LOXL2: variants seen among roughly 807,000 people sequenced by gnomAD.
The protein encoded by LOXL2 is lysyl oxidase like 2.
In LOXL2, 70 loss-of-function variants were observed where a neutral mutation model predicts 93.0. The ratio of observed to expected loss-of-function variants is 0.75; its 90% CI spans 0.62 to 0.92. The LOEUF is 0.92. Among genes scored for constraint, LOXL2 ranks in the 40% least tolerant of loss-of-function variants. The probability of loss-of-function intolerance (pLI) is 0.00; values close to 1 mark genes in which losing one functional copy is unlikely to be tolerated. For missense variants in LOXL2, 973 were observed against 1,054.9 expected (o/e 0.92, Z 1.08); for synonymous variants, 438 against 413.2 (o/e 1.06, Z -0.73).
chr8:23,341,148 C>A lies in LOXL2; in HGVS notation c.587G>T (p.Arg196Leu). The A allele has an allele frequency of 1.2e-6, 2 of 1,613,844 alleles. No homozygotes were observed. Among genetic ancestry groups the A allele is most frequent in the East Asian group, 2.2e-5 (1 of 44,874 alleles). The stretch of plus-strand genomic sequence containing the variant: ...GCCCTCCATCACTGGGGTGCGCTTG[C>A]GGTAGGTTGAGAGGATGGCTCGAAT... Reference protein sequence around the residue: ...IRIRAILSTYRKRTPVMEGYV... With the variant: ...IRIRAILSTYLKRTPVMEGYV... Residue 196 changes from arginine (R) to leucine (L), a missense_variant, in exon 4 of 14, where the codon CGC (arginine) becomes CTC (leucine). Transcript: ENST00000389131.
At chr8:23,313,042 C>T (rs11994095) in intron 9 of LOXL2, among the ~76,000 whole-genome samples, 7,965 of 150,944 alleles carry the variant, frequency 0.053, 479 homozygotes, top group African/African-American at 0.14. Flanking sequence ...AGTGAACTCC[C>T]ATTCACAATT....
chr8:23,400,529 C>A (rs1481012004), intron 1 of LOXL2, among the ~76,000 whole-genome samples: 1 of 152,188 alleles, frequency 6.6e-6, no homozygotes, highest in Non-Finnish European at 1.5e-5. Flanking sequence ...GGTGGGGACA[C>A]AGCCAAGCCA....
At chr8:23,328,313 C>T in intron 6 of LOXL2, 69 bp downstream of exon 6, 2 of 1,539,396 alleles carry the variant, frequency 1.3e-6, no homozygotes. Context: ...TCACGGCCAG[C>T]AGCCAGGCTG....
chr8:23,367,685 C>G (rs1349307380), intron 2 of LOXL2, among the ~76,000 whole-genome samples: 2 of 149,490 alleles, frequency 1.3e-5, no homozygotes, highest in East Asian at 3.9e-4. Context: ...CACCCCCTAC[C>G]TGGGGTCACC....
In LOXL2 at chr8:23,354,949, ATTTTTTTTTTTTT is replaced by A. The variant is rs60819350; in HGVS notation, c.531+5128_531+5140del. The stretch of plus-strand genomic sequence containing the variant: ...GGAGTTGGAATATATATATATATAT[ATTTTTTTTTTTTT>A]TTTTTTTTTTTTTTTGAGACAGTTT... On this transcript the variant is annotated intron_variant, in intron 3 of 13. Transcript: ENST00000389131. 6.1e-3 allele frequency among the ~76,000 whole-genome samples: 470 copies of A among 77,684 alleles called. 4 individuals carry two copies. The highest frequency in any genetic ancestry group is 0.052 in the South Asian group (103 of 1,976). 51.0% of individuals were successfully genotyped at this position (77,684 alleles called of 152,430 possible).
chr8:23,298,676 A>T (rs1489672800), intron 13 of LOXL2, among the ~76,000 whole-genome samples, 160 bp downstream of exon 13: 1 of 152,208 alleles, frequency 6.6e-6, no homozygotes. Context: ...CTCAGTCTCC[A>T]TCCAGGCCTG....
chr8:23,309,938 A>G, intron 9 of LOXL2, 27 bp from the exon 10 acceptor site: 3 of 1,438,974 alleles, frequency 2.1e-6, no homozygotes, highest in Non-Finnish European at 2.8e-6. Flanking sequence ...GCTGGTCAAC[A>G]AGGCAAGAGA....
At chr8:23,358,533 A>G (rs4272386) in intron 3 of LOXL2, among the ~76,000 whole-genome samples, 8,160 of 152,324 alleles carry the variant, frequency 0.054, 223 homozygotes, top group Admixed American at 0.087. Context: ...TTTGGGGCAG[A>G]TCCCATAATC....
At chr8:23,316,648 G>A (rs1423783916) in intron 9 of LOXL2, 3 of 363,988 alleles carry the variant, frequency 8.2e-6, no homozygotes, top group East Asian at 9.3e-5. Flanking sequence ...CTGGCATGAC[G>A]GAGGCACTCT....
chr8:23,306,958 G>A (rs1409271841), intron 10 of LOXL2, among the ~76,000 whole-genome samples: 1 of 152,208 alleles, frequency 6.6e-6, no homozygotes, highest in Non-Finnish European at 1.5e-5. Context: ...GGTTTTCGAG[G>A]AAATTTCCAA....
chr8:23,366,797 T>C (rs544884701), intron 2 of LOXL2, among the ~76,000 whole-genome samples: 13 of 152,270 alleles, frequency 8.5e-5, no homozygotes, highest in African/African-American at 3.1e-4. Context: ...GATAGGAAAC[T>C]CTTAGCTCCT....
intron 10 of LOXL2, among the ~76,000 whole-genome samples, chr8:23,309,205 G>C (rs1037012677): frequency 2.2e-4 from 34 of 152,010 alleles, no homozygotes; most frequent in African/African-American, 8.0e-4. Flanking sequence ...GAATGGGCTT[G>C]ATCTCCTGAC....
At chr8:23,361,860 AAAAC>A (rs1404531546) in intron 2 of LOXL2, among the ~76,000 whole-genome samples, 1 of 100,810 alleles carries the variant, frequency 9.9e-6, no homozygotes, top group African/African-American at 4.2e-5. Context: ...AAAACAAAAC[AAAAC>A]AAACAAAAAA....
intron 10 of LOXL2, among the ~76,000 whole-genome samples, chr8:23,306,264 C>T (rs1238127419): frequency 1.3e-5 from 2 of 152,204 alleles, no homozygotes; most frequent in Non-Finnish European, 2.9e-5. Flanking sequence ...AACTCCCAGT[C>T]AGAGCCTTGG....
intron 6 of LOXL2, among the ~76,000 whole-genome samples, chr8:23,326,988 G>GACTT (rs1803590317): frequency 6.6e-6 from 1 of 152,234 alleles, no homozygotes; most frequent in African/African-American, 2.4e-5. Flanking sequence ...AGAGTTAGAA[G>GACTT]ACTTGGCTTT....
At chr8:23,302,244 T>A in intron 11 of LOXL2, 81 bp from the exon 12 acceptor site, 1 of 1,559,806 alleles carries the variant, frequency 6.4e-7, no homozygotes, top group Non-Finnish European at 8.8e-7. Context: ...CCAAGGCCCC[T>A]ACCGCTGCTT....
chr8:23,378,426 GCTCTT>G (rs560886920), intron 1 of LOXL2, among the ~76,000 whole-genome samples: 190 of 152,200 alleles, frequency 1.2e-3, no homozygotes, highest in African/African-American at 4.5e-3. Flanking sequence ...TCTTGGAGTT[GCTCTT>G]CTCCAGGAGT....
intron 2 of LOXL2, among the ~76,000 whole-genome samples, chr8:23,361,546 C>CA (rs893999316): frequency 1.3e-5 from 2 of 151,902 alleles, no homozygotes; most frequent in African/African-American, 4.8e-5. Flanking sequence ...TGGCTACTAT[C>CA]AAAAAAACAG....
chr8:23,345,961 G>A (rs56176894), intron 3 of LOXL2, among the ~76,000 whole-genome samples: 61,275 of 151,210 alleles, frequency 0.41, 13,218 homozygotes, highest in African/African-American at 0.57. Context: ...CCAGCTACTC[G>A]GGAGGCTGAG....
Sources: gnomAD v4.1 joint callset for allele counts (sites outside exome capture counted in the v4.1 genomes callset) on GRCh38, gnomAD v4.1.1 for gene constraint, MANE v1.5 for transcripts, NCBI Gene and HGNC (gene_info 2026-07-23, HGNC 2026-07-21) for gene names.